TTC28: variants seen among roughly 807,000 people sequenced by gnomAD.
The protein encoded by TTC28 is tetratricopeptide repeat domain 28.
Under a neutral mutation model 198.0 loss-of-function variants are expected in TTC28, and 61 were observed. That is an observed-to-expected ratio of 0.31 (90% CI 0.25 to 0.38). The LOEUF (loss-of-function observed/expected upper bound fraction) is 0.38. Ranked by LOEUF, TTC28 falls within the 10% of genes least tolerant of loss-of-function variation. The pLI is 1.00. For synonymous variants in TTC28, 1,171 were observed against 1,297.8 expected (o/e 0.90, Z 2.10); for missense variants, 2,678 against 3,164.0 (o/e 0.85, Z 3.69).
chr22:28,513,908 A>C (rs1374482699), intron 2 of TTC28, among the ~76,000 whole-genome samples: 2 of 152,102 alleles, frequency 1.3e-5, no homozygotes, highest in Non-Finnish European at 2.9e-5. Context: ...ATGTCCTATT[A>C]TGAAGGGCAA....
intron 1 of TTC28, among the ~76,000 whole-genome samples, chr22:28,671,240 C>A (rs905098797): frequency 1.3e-5 from 2 of 151,990 alleles, no homozygotes; most frequent in East Asian, 1.9e-4. Flanking sequence ...CCACCTCAAC[C>A]GGCCTGTTTA....
At chr22:28,520,800 C>T (rs1301421519) in intron 2 of TTC28, among the ~76,000 whole-genome samples, 1 of 152,092 alleles carries the variant, frequency 6.6e-6, no homozygotes. Flanking sequence ...CGCTTGTAAT[C>T]CCAGCAGTTT....
At chr22:28,154,444 C>G (rs1214339787) in intron 6 of TTC28, among the ~76,000 whole-genome samples, 1 of 151,676 alleles carries the variant, frequency 6.6e-6, no homozygotes, top group Non-Finnish European at 1.5e-5. Flanking sequence ...CTTTGCCTCC[C>G]AGGTTCATGC....
chr22:28,081,555 C>T (rs376178576), intron 12 of TTC28, among the ~76,000 whole-genome samples: 7 of 150,186 alleles, frequency 4.7e-5, no homozygotes, highest in South Asian at 2.1e-4. Context: ...TGCAGTGACG[C>T]GATCTTGGCT....
intron 14 of TTC28, chr22:28,002,206 G>A (rs1426493686): frequency 1.3e-5 from 2 of 153,292 alleles, no homozygotes; most frequent in Non-Finnish European, 2.9e-5. Flanking sequence ...CCTCATTCCT[G>A]TTCATTGCAG....
Position 28,014,351 on chromosome 22 carries a change from G to A in TTC28, c.4115C>T (p.Ser1372Leu). 4 of 1,551,564 alleles carry A rather than the reference G, an allele frequency of 2.6e-6. No homozygotes were observed. Among genetic ancestry groups the A allele is most frequent in the Non-Finnish European group, 3.5e-6 (4 of 1,146,960 alleles). The change falls in exon 14 of 23, where the codon TCA (serine) becomes TTA (leucine). Residue 1372 changes from serine (S) to leucine (L), a missense_variant. Around this residue, in one of 8 missense-constraint regions of TTC28, gnomAD observed 727 missense variants for 861.9 expected, o/e 0.84. Coordinates refer to ENST00000397906, the MANE Select transcript of TTC28 (RefSeq NM_001145418.2). The part of the protein sequence containing the change: ...SMTSLFSNTV[S>L]PTQDGTSSLP... ...AGAGGAGGTCCCGTCCTGGGTCGGT[G>A]ACACAGTGTTACTGAACAGGCTCGT...
chr22:28,181,919 C>A (rs1923737932), intron 5 of TTC28, among the ~76,000 whole-genome samples: 1 of 152,272 alleles, frequency 6.6e-6, no homozygotes. Context: ...AAAAAATGAA[C>A]TCCATTCTAT....
Position 27,983,353 on chromosome 22 carries a change from G to A in TTC28, c.6314C>T (p.Thr2105Ile). The A allele has an allele frequency of 6.4e-7, 1 of 1,551,746 alleles. No homozygotes were observed. Among genetic ancestry groups the A allele is most frequent in the African/African-American group, 1.4e-5 (1 of 73,146 alleles). ...AGTCATTTTCACTGGAGAATTTGGA[G>A]TGCTGATGCTCCCTTTGGAGCTCAC... Reference protein sequence around the residue: ...VSVSSKGSISTPNSPVKMTLI... With the variant: ...VSVSSKGSISIPNSPVKMTLI... The change falls in exon 23 of 23, where the codon ACT becomes ATT. Residue 2105 changes from threonine (T) to isoleucine (I), a missense_variant. Coordinates refer to ENST00000397906, the MANE Select transcript of TTC28 (RefSeq NM_001145418.2).
chr22:28,485,620 G>C (rs2048305980), intron 2 of TTC28, among the ~76,000 whole-genome samples: 1 of 152,022 alleles, frequency 6.6e-6, no homozygotes, highest in Non-Finnish European at 1.5e-5. Context: ...TGGGTCTGTG[G>C]GGTGGGGAAA....
intron 2 of TTC28, among the ~76,000 whole-genome samples, chr22:28,600,291 G>A (rs1780351922): frequency 2.0e-5 from 3 of 151,904 alleles, no homozygotes; most frequent in Non-Finnish European, 2.9e-5. Flanking sequence ...TGTAGTCCCC[G>A]CTACCTAAGA....
chr22:28,581,174 G>C (rs764339636), intron 2 of TTC28, among the ~76,000 whole-genome samples: 1 of 151,976 alleles, frequency 6.6e-6, no homozygotes, highest in Non-Finnish European at 1.5e-5. Flanking sequence ...GAGTACTCAC[G>C]AGATCTGGTT....
Position 28,215,720 on chromosome 22 carries a change from G to A in TTC28, c.934-52121C>T, listed in dbSNP as rs527342730. On this transcript the variant is annotated intron_variant, in intron 5 of 22. Transcript: ENST00000397906. ...ACTAGGATCCTAGTGATGTTCTATC[G>A]CTCATATGCAAAATGAGGACAAAAC... is the stretch of plus-strand genomic sequence containing the variant. Among the ~76,000 whole-genome samples the A allele has an allele frequency of 1.0e-3, 153 of 152,152 alleles. 1 individual carries two copies. The highest frequency in any genetic ancestry group is 2.5e-3 in the African/African-American group (105 of 41,522).
chr22:28,472,176 ATATC>A (rs1380050926), intron 2 of TTC28, among the ~76,000 whole-genome samples: 28 of 152,334 alleles, frequency 1.8e-4, no homozygotes, highest in South Asian at 6.2e-4. Context: ...ATCAAACATT[ATATC>A]TATCTATCAC....
chr22:28,542,701 C>T (rs962121449), intron 2 of TTC28, among the ~76,000 whole-genome samples: 4 of 151,926 alleles, frequency 2.6e-5, no homozygotes, highest in Admixed American at 1.3e-4. Context: ...AAGGAATAAA[C>T]ACGTAAGAGA....
At chr22:28,286,069 G>A (rs559115354) in intron 5 of TTC28, among the ~76,000 whole-genome samples, 9 of 151,268 alleles carry the variant, frequency 5.9e-5, no homozygotes, top group African/African-American at 1.2e-4. Flanking sequence ...GCGTGATCTC[G>A]GCTCACCACA....
intron 5 of TTC28, among the ~76,000 whole-genome samples, chr22:28,273,497 C>T (rs940403739): frequency 6.6e-6 from 1 of 151,144 alleles, no homozygotes; most frequent in Non-Finnish European, 1.5e-5. Flanking sequence ...GCAAGCTGGA[C>T]ATAGCTAAAG....
chr22:28,610,900 C>T (rs2050807476), intron 2 of TTC28, among the ~76,000 whole-genome samples: 1 of 152,148 alleles, frequency 6.6e-6, no homozygotes, highest in African/African-American at 2.4e-5. Context: ...AGCAGAAAAA[C>T]ACAGCATGAG....
chr22:28,063,883 C>T (rs117058256), intron 12 of TTC28, among the ~76,000 whole-genome samples: 2,264 of 152,128 alleles, frequency 0.015, 26 homozygotes, highest in Non-Finnish European at 0.023. Context: ...AGCTGCAGGG[C>T]GGCCGAGCAA....
chr22:28,335,721 G>C (rs1309557783), intron 2 of TTC28, among the ~76,000 whole-genome samples: 1 of 152,168 alleles, frequency 6.6e-6, no homozygotes, highest in Admixed American at 6.5e-5. Context: ...TTCCTTATCA[G>C]CTTAAGAAGA....
Sources: allele counts gnomAD v4.1 joint callset (sites outside exome capture counted in the v4.1 genomes callset), GRCh38; gene constraint gnomAD v4.1.1; regional missense constraint gnomAD v4.1.1; transcripts MANE v1.5; gene names NCBI Gene and HGNC (gene_info 2026-07-23, HGNC 2026-07-21).